The following COL23A1 variants were observed in gnomAD, a reference collection of about 807,000 sequenced individuals.
COL23A1 encodes the protein collagen type XXIII alpha 1 chain.
A neutral mutation model predicts 99.3 loss-of-function variants in COL23A1; 97 were observed. The observed-to-expected ratio is 0.98, with a 90% CI of 0.83 to 1.16. The LOEUF is 1.16. Among genes scored for constraint, COL23A1 ranks in the 50% most tolerant of loss-of-function variants. The pLI is 0.00. For synonymous variants in COL23A1, 320 were observed against 308.2 expected (o/e 1.04, Z -0.40); for missense variants, 762 against 757.4 (o/e 1.01, Z -0.07).
intron 19 of COL23A1, 116 bp downstream of exon 19, chr5:178,249,001 G>A: frequency 2.0e-6 from 2 of 1,014,618 alleles, no homozygotes; most frequent in Middle Eastern, 3.1e-4. Context: ...GCTGGGCACT[G>A]AGACCGCAGG....
intron 2 of COL23A1, among the ~76,000 whole-genome samples, chr5:178,538,426 A>G (rs1761102255): frequency 6.6e-6 from 1 of 152,260 alleles, no homozygotes; most frequent in Non-Finnish European, 1.5e-5. Flanking sequence ...TGCCCATTTT[A>G]TTAAAAAATT....
chr5:178,457,743 G>C (rs935366212), intron 2 of COL23A1, among the ~76,000 whole-genome samples: 5 of 152,212 alleles, frequency 3.3e-5, no homozygotes, highest in Admixed American at 2.0e-4. Context: ...TGCTGCATGT[G>C]TATCATGGAA....
intron 2 of COL23A1, among the ~76,000 whole-genome samples, chr5:178,440,231 G>T (rs576123859): frequency 2.1e-4 from 32 of 152,252 alleles, no homozygotes; most frequent in African/African-American, 7.2e-4. Context: ...GCATCTTGCT[G>T]GACACCCAAT....
chr5:178,244,925 T>TCATC (rs760867158), intron 25 of COL23A1, among the ~76,000 whole-genome samples: 3 of 151,990 alleles, frequency 2.0e-5, no homozygotes, highest in Non-Finnish European at 2.9e-5. Context: ...CTACAATGCA[T>TCATC]CATCCATCCA....
intron 2 of COL23A1, among the ~76,000 whole-genome samples, chr5:178,423,136 T>C (rs1049053827): frequency 1.3e-5 from 2 of 152,042 alleles, no homozygotes; most frequent in African/African-American, 4.8e-5. Context: ...CTGACTAATT[T>C]TTTAAGTTTT....
At chr5:178,257,612 G>T in intron 12 of COL23A1, 45 bp from the exon 13 acceptor site, 4 of 1,543,670 alleles carry the variant, frequency 2.6e-6, no homozygotes, top group African/African-American at 1.4e-5. Context: ...CCCTCGGGTG[G>T]CCAGTGGGCC....
In COL23A1 at chr5:178,339,540, T is replaced by C. The variant is rs73346831; in HGVS notation, c.362-32621A>G. Among the ~76,000 whole-genome samples, 1,291 of 152,338 alleles carry C rather than the reference T, an allele frequency of 8.5e-3. 20 individuals carry two copies. The highest frequency in any genetic ancestry group is 0.03 in the African/African-American group (1,227 of 41,588). Reference sequence around the variant, plus strand: ...TGAGGGGATGGCGTGGGACTGAGCCTATCCTTGGCTGTGTGGTGGAGAGGC... The same window carrying C: ...TGAGGGGATGGCGTGGGACTGAGCCCATCCTTGGCTGTGTGGTGGAGAGGC... On this transcript the variant is annotated intron_variant, in intron 2 of 28. Coordinates refer to ENST00000390654, the MANE Select transcript of COL23A1 (RefSeq NM_173465.4).
chr5:178,547,483 A>ACCCACCCC lies in COL23A1; in HGVS notation c.361+13198_361+13199insGGGGTGGG, dbSNP rs1159633407. Among the ~76,000 whole-genome samples, 223 of 121,800 alleles carry ACCCACCCC rather than the reference A, an allele frequency of 1.8e-3. 1 individual carries two copies. The highest frequency in any genetic ancestry group is 1.5e-3 in the Non-Finnish European group (85 of 56,456). The allele number at this position is 121,800 out of a possible 152,430, so 79.9% of individuals were successfully genotyped here. A position where few individuals can be genotyped will look rare whatever the true frequency, so the allele number is the denominator to read the frequency against. On this transcript the variant is annotated intron_variant, in intron 2 of 28. Transcript: ENST00000390654. ...GGCACACACACCCACACACCCACACACACACCCACACATCCCCATACACAC... is the reference window on the plus strand; with the variant it reads ...GGCACACACACCCACACACCCACACACCCACCCCCACACCCACACATCCCCATACACAC...
At chr5:178,368,879 G>A (rs1762642071) in intron 2 of COL23A1, among the ~76,000 whole-genome samples, 2 of 152,252 alleles carry the variant, frequency 1.3e-5, no homozygotes, top group Admixed American at 1.3e-4. Context: ...CTGGCTCCAG[G>A]GCAGATATGC....
chr5:178,577,887 C>T (rs1490021172), intron 1 of COL23A1, among the ~76,000 whole-genome samples: 1 of 152,238 alleles, frequency 6.6e-6, no homozygotes, highest in Non-Finnish European at 1.5e-5. Flanking sequence ...CTGCATGAGC[C>T]GTCAGGGCCC....
intron 2 of COL23A1, among the ~76,000 whole-genome samples, chr5:178,557,723 G>A (rs1368817150): frequency 6.6e-6 from 1 of 152,202 alleles, no homozygotes; most frequent in Non-Finnish European, 1.5e-5. Flanking sequence ...AAGCCCGAGG[G>A]ACACGCTGGA....
At chr5:178,540,156 T>C in intron 2 of COL23A1, among the ~76,000 whole-genome samples, 1 of 152,120 alleles carries the variant, frequency 6.6e-6, no homozygotes, top group African/African-American at 2.4e-5. Context: ...TCAGCACTAC[T>C]GAAGGTCTTA....
chr5:178,412,683 A>T (rs1336287708), intron 2 of COL23A1, among the ~76,000 whole-genome samples: 2 of 152,210 alleles, frequency 1.3e-5, no homozygotes, highest in Non-Finnish European at 2.9e-5. Context: ...TGACATTTTT[A>T]ACATTTTACT....
Position 178,252,598 on chromosome 5 carries a change from CTGTG to C in COL23A1, c.961-5_961-2del. 2 of 1,609,318 alleles carry C rather than the reference CTGTG, an allele frequency of 1.2e-6. No individual in the cohort carries two copies. Among genetic ancestry groups the C allele is most frequent in the Admixed American group, 1.7e-5 (1 of 59,456 alleles). On this transcript the variant is annotated splice_acceptor_variant and splice_polypyrimidine_tract_variant and intron_variant, in intron 16 of 28. Coordinates refer to ENST00000390654, the MANE Select transcript of COL23A1 (RefSeq NM_173465.4). LOFTEE classifies it high-confidence loss of function. The stretch of plus-strand genomic sequence containing the variant: ...GGGGCCCCTGTGGTCCGGGAGGCCC[CTGTG>C]TGTGAGAGTGAAGCCGGTCAGTGTC...
At chr5:178,579,614 C>T (rs1046605052) in intron 1 of COL23A1, among the ~76,000 whole-genome samples, 1 of 152,088 alleles carries the variant, frequency 6.6e-6, no homozygotes, top group South Asian at 2.1e-4. Context: ...CTACCGCGCA[C>T]GGCTGATTTT....
chr5:178,587,143 G>T (rs1421035750), intron 1 of COL23A1, among the ~76,000 whole-genome samples: 1 of 152,096 alleles, frequency 6.6e-6, no homozygotes, highest in Non-Finnish European at 1.5e-5. Flanking sequence ...TAAGATGGGG[G>T]GATTGATTAC....
chr5:178,547,184 A>G (rs1284564202), intron 2 of COL23A1, among the ~76,000 whole-genome samples: 1 of 152,022 alleles, frequency 6.6e-6, no homozygotes, highest in African/African-American at 2.4e-5. Flanking sequence ...CTGAGTGGCA[A>G]GTACCCCGAC....
rs569463000 is a variant in COL23A1, at chr5:178,256,507, T to C, written c.838-110A>G. 2.5e-5 allele frequency: 26 copies of C among 1,037,420 alleles called. No homozygotes were observed. In the Admixed American group the frequency reaches 3.2e-4, roughly 13 times the overall value. The allele number at this position is 1,037,420 out of a possible 1,614,324, so 64.3% of individuals were successfully genotyped here. A position where few individuals can be genotyped will look rare whatever the true frequency, so the allele number is the denominator to read the frequency against. ...CCAGGAGGGCCCAGGGCCCGAGTGCTGGAACCCTAATAGCCAAATGTATGA... is the reference window on the plus strand; with the variant it reads ...CCAGGAGGGCCCAGGGCCCGAGTGCCGGAACCCTAATAGCCAAATGTATGA... On this transcript the variant is annotated intron_variant, in intron 14 of 28. Transcript: ENST00000390654.
At chr5:178,582,248 A>G (rs1763699441) in intron 1 of COL23A1, among the ~76,000 whole-genome samples, 1 of 146,028 alleles carries the variant, frequency 6.8e-6, no homozygotes, top group African/African-American at 2.6e-5. Context: ...GGAGAGAAGG[A>G]TGGGCAAGCC....
Sources: gnomAD v4.1 joint callset for allele counts (sites outside exome capture counted in the v4.1 genomes callset) on GRCh38, gnomAD v4.1.1 for gene constraint, MANE v1.5 for transcripts, NCBI Gene and HGNC (gene_info 2026-07-23, HGNC 2026-07-21) for gene names.